Variants in NOTCH2NLC observed in about 807,000 individuals in gnomAD.
NOTCH2NLC encodes the protein notch homolog 2 N-terminal-like protein C.
Under a neutral mutation model 17.7 loss-of-function variants are expected in NOTCH2NLC, and 4 were observed. The ratio of observed to expected loss-of-function variants is 0.23; its 90% CI spans 0.11 to 0.52. The LOEUF is 0.52. Among genes scored for constraint, NOTCH2NLC ranks in the 20% least tolerant of loss-of-function variants. The pLI, the probability that NOTCH2NLC is intolerant of heterozygous loss-of-function variation, is 0.96. For synonymous variants in NOTCH2NLC, 18 were observed against 86.0 expected (o/e 0.21, Z 4.38); for missense variants, 57 against 207.2 (o/e 0.28, Z 4.45).
intron 3 of NOTCH2NLC, among the ~76,000 whole-genome samples, chr1:149,460,869 T>C (rs1324386611): frequency 1.3e-4 from 6 of 45,104 alleles, no homozygotes; most frequent in Non-Finnish European, 2.5e-4. Flanking sequence ...CTTTCTTTCT[T>C]TCTTTCTTTC....
At chr1:149,413,455 A>G (rs1293929351) in intron 1 of NOTCH2NLC, among the ~76,000 whole-genome samples, 6 of 151,396 alleles carry the variant, frequency 4.0e-5, no homozygotes, top group East Asian at 2.0e-4. Flanking sequence ...GACATTTCTC[A>G]TGTTCTGCTG....
At chr1:149,424,539 T>C (rs1286591999) in intron 1 of NOTCH2NLC, among the ~76,000 whole-genome samples, 1 of 150,984 alleles carries the variant, frequency 6.6e-6, no homozygotes, top group Non-Finnish European at 1.5e-5. Context: ...TGACAAATAT[T>C]AGTGGAACTG....
At chr1:149,412,124 A>C (rs1206711199) in intron 1 of NOTCH2NLC, among the ~76,000 whole-genome samples, 2 of 145,142 alleles carry the variant, frequency 1.4e-5, no homozygotes, top group African/African-American at 5.1e-5. Context: ...TCCAAAAAAA[A>C]AAAAAACAAA....
rs1305745022 is a variant in NOTCH2NLC, at chr1:149,468,965, T to C, written c.*4812T>C. Among the ~76,000 whole-genome samples, 366 of 122,866 alleles carry C rather than the reference T, an allele frequency of 3.0e-3. 4 individuals are homozygous for C. Among genetic ancestry groups the C allele is most frequent in the African/African-American group, 0.01 (351 of 33,870 alleles). 80.6% of individuals were successfully genotyped at this position (122,866 alleles called of 152,430 possible). The stretch of plus-strand genomic sequence containing the variant: ...GTCATTTTCTTTTCTTTTCTTTTTT[T>C]TTTTTTTTTTTTTTTTTGAGACGGA... On this transcript the variant is annotated 3_prime_UTR_variant, in exon 5 of 5. Transcript: ENST00000650865.
chr1:149,407,191 T>C (rs2084276207), intron 1 of NOTCH2NLC, among the ~76,000 whole-genome samples: 4 of 149,464 alleles, frequency 2.7e-5, no homozygotes, highest in Non-Finnish European at 6.0e-5. Context: ...ACCCCTGAGT[T>C]TTCATGGAAA....
At chr1:149,414,503 C>A (rs1275999144) in intron 1 of NOTCH2NLC, among the ~76,000 whole-genome samples, 1 of 150,832 alleles carries the variant, frequency 6.6e-6, no homozygotes, top group African/African-American at 2.4e-5. Context: ...AAAGCAGGAC[C>A]CTTCACACCC....
rs1465378066 is a variant in NOTCH2NLC at position 149,413,188 on chromosome 1, G to A, written c.136-17754G>A. Among the ~76,000 whole-genome samples the A allele has an allele frequency of 2.0e-5, 3 of 150,854 alleles. 1 individual carries two copies. The highest frequency in any genetic ancestry group is 4.4e-5 in the Non-Finnish European group (3 of 67,454). On this transcript the variant is annotated intron_variant, in intron 1 of 4. Transcript: ENST00000650865. ...CTCCCAGAGTGCTGGGATTACAGGT[G>A]TTAGCCACTGTGCCAGGCCAGATGT...
chr1:149,394,843 GTCT>G (rs1448869306), intron 1 of NOTCH2NLC, among the ~76,000 whole-genome samples: 4 of 150,732 alleles, frequency 2.7e-5, no homozygotes, highest in East Asian at 2.0e-4. Context: ...AAACCAAAAG[GTCT>G]TCTTTTCTTT....
chr1:149,413,646 C>T (rs1371746442), intron 1 of NOTCH2NLC, among the ~76,000 whole-genome samples: 10 of 151,124 alleles, frequency 6.6e-5, no homozygotes, highest in Admixed American at 2.6e-4. Context: ...GTACTCTCCC[C>T]GGTTCCTCAT....
rs1325838287 is a variant in NOTCH2NLC at position 149,427,205 on chromosome 1, T to A, written c.136-3737T>A. Among the ~76,000 whole-genome samples the A allele has an allele frequency of 4.5e-3, 667 of 147,046 alleles. 5 individuals carry two copies. The highest frequency in any genetic ancestry group is 0.012 in the African/African-American group (469 of 39,804). On this transcript the variant is annotated intron_variant, in intron 1 of 4. Coordinates refer to ENST00000650865, the MANE Select transcript of NOTCH2NLC (RefSeq NM_001364013.2). ...CCCTATTATTAACTATATTCACCAC[T>A]CTATGCAATATATCTCAAACATATA...
At chr1:149,418,913 T>C (rs2084360833) in intron 1 of NOTCH2NLC, among the ~76,000 whole-genome samples, 1 of 150,972 alleles carries the variant, frequency 6.6e-6, no homozygotes, top group Admixed American at 6.6e-5. Flanking sequence ...GGGCATCTGC[T>C]CATTCGCTCG....
In NOTCH2NLC at chr1:149,449,026, C is replaced by T. The variant is rs1170345744; in HGVS notation, c.210-6292C>T. On this transcript the variant is annotated intron_variant, in intron 2 of 4. Transcript: ENST00000650865. ...CCTCCCGAGTAGCTGGGACTACAGG[C>T]GCCCGCCACCACGCCTGGCTAATTT... 9.4e-4 allele frequency among the ~76,000 whole-genome samples: 139 copies of T among 147,496 alleles called. 1 individual carries two copies. Among genetic ancestry groups the T allele is most frequent in the African/African-American group, 2.9e-3 (116 of 40,234 alleles).
In NOTCH2NLC at chr1:149,471,206, AT is replaced by A. The variant is rs1361788941; in HGVS notation, c.*7054del. On this transcript the variant is annotated 3_prime_UTR_variant, in exon 5 of 5. Coordinates refer to ENST00000650865, the MANE Select transcript of NOTCH2NLC (RefSeq NM_001364013.2). ...ATTGAACTGTAATAGTTTTAAAAAA[AT>A]ATATCCTAAATACAAGTCTCTTATC... Among the ~76,000 whole-genome samples, 2 of 151,308 alleles carry A rather than the reference AT, an allele frequency of 1.3e-5. No homozygotes were observed. The highest frequency in any genetic ancestry group is 1.5e-5 in the Non-Finnish European group (1 of 67,672).
At chr1:149,440,999 C>A (rs1331185311) in intron 2 of NOTCH2NLC, among the ~76,000 whole-genome samples, 3 of 150,750 alleles carry the variant, frequency 2.0e-5, no homozygotes, top group Non-Finnish European at 4.4e-5. Context: ...TTCCCTCAGA[C>A]CTTTTTGGCC....
intron 1 of NOTCH2NLC, among the ~76,000 whole-genome samples, chr1:149,398,677 C>T (rs1361308238): frequency 1.3e-5 from 2 of 151,216 alleles, no homozygotes; most frequent in Admixed American, 6.6e-5. Context: ...CATTTCCAGC[C>T]AGCTACGTCG....
At chr1:149,462,718 T>C (rs2084656862) in intron 3 of NOTCH2NLC, among the ~76,000 whole-genome samples, 2 of 150,130 alleles carry the variant, frequency 1.3e-5, no homozygotes, top group Non-Finnish European at 3.0e-5. Flanking sequence ...ACTTGGTGTA[T>C]CTGTGTTTGC....
rs1211562735 is a variant in NOTCH2NLC at position 149,442,125 on chromosome 1, A to G, written c.209+11110A>G. 4.6e-3 allele frequency among the ~76,000 whole-genome samples: 692 copies of G among 150,874 alleles called. 20 individuals carry two copies. The highest frequency in any genetic ancestry group is 0.016 in the African/African-American group (647 of 41,178). ...AAATACCTACCTCCATTCTGTGCTC[A>G]AGAAAACAGGCTCTCATGTTGGCCA... On this transcript the variant is annotated intron_variant, in intron 2 of 4. Coordinates refer to ENST00000650865, the MANE Select transcript of NOTCH2NLC (RefSeq NM_001364013.2).
At chr1:149,426,881 A>G (rs1253635291) in intron 1 of NOTCH2NLC, among the ~76,000 whole-genome samples, 1 of 150,144 alleles carries the variant, frequency 6.7e-6, no homozygotes, top group Admixed American at 6.7e-5. Context: ...TTGAAATGAG[A>G]TCTGTCCCGG....
At chr1:149,395,532 A>G (rs1201261761) in intron 1 of NOTCH2NLC, among the ~76,000 whole-genome samples, 6 of 150,540 alleles carry the variant, frequency 4.0e-5, no homozygotes, top group Non-Finnish European at 8.9e-5. Context: ...CTTCAAAGGC[A>G]CTGCCACCCA....
Sources: gnomAD v4.1 joint callset for allele counts (sites outside exome capture counted in the v4.1 genomes callset) on GRCh38, gnomAD v4.1.1 for gene constraint, MANE v1.5 for transcripts, NCBI Gene and HGNC (gene_info 2026-07-23, HGNC 2026-07-21) for gene names.